Variants in ZSCAN18 observed in about 807,000 individuals in gnomAD.
ZSCAN18 encodes the protein zinc finger and SCAN domain containing 18, also known as zinc finger and SCAN domain-containing protein 18.
A neutral mutation model predicts 31.1 loss-of-function variants in ZSCAN18; 16 were observed. That is an observed-to-expected ratio of 0.51 (90% CI 0.35 to 0.78). The LOEUF (loss-of-function observed/expected upper bound fraction) is 0.78. Ranked by LOEUF, ZSCAN18 falls within the 30% of genes least tolerant of loss-of-function variation. The pLI is 0.01. For synonymous variants in ZSCAN18, 375 were observed against 320.7 expected (o/e 1.17, Z -1.81); for missense variants, 731 against 697.4 (o/e 1.05, Z -0.54).
At chr19:58,108,497 T>G in intron 1 of ZSCAN18, 1 of 985,994 alleles carries the variant, frequency 1.0e-6, no homozygotes. Context: ...CTTTCCCACT[T>G]CTTGCATTTA....
intron 1 of ZSCAN18, among the ~76,000 whole-genome samples, chr19:58,114,972 A>T (rs1455833649): frequency 6.6e-6 from 1 of 152,246 alleles, no homozygotes; most frequent in African/African-American, 2.4e-5. Flanking sequence ...ATATGATGCT[A>T]GCGCTAGAAG....
At position 58,084,023 on chromosome 19, in the gene ZSCAN18, G is replaced by A. The variant is rs1441583906; in HGVS notation, c.*662C>T. ...TTGCCTTTACTACATGATGCATTCTGGCCTACTTTATTCTGCTTCATTGCT... is the reference window on the plus strand; with the variant it reads ...TTGCCTTTACTACATGATGCATTCTAGCCTACTTTATTCTGCTTCATTGCT... On this transcript the variant is annotated 3_prime_UTR_variant, in exon 7 of 7. Transcript: ENST00000601144. This position sits in a 1 kb window ranked among gnomAD's most constrained non-coding sequence, Gnocchi z 4.5. 6.6e-6 allele frequency: 1 copy of A among 152,168 alleles called. No homozygotes were observed. The allele number at this position is 152,168 out of a possible 1,614,324, so 9.4% of individuals were successfully genotyped here. A position where few individuals can be genotyped will look rare whatever the true frequency, so the allele number is the denominator to read the frequency against.
At chr19:58,105,358 CTT>C (rs1351089138) in intron 1 of ZSCAN18, among the ~76,000 whole-genome samples, 1 of 152,196 alleles carries the variant, frequency 6.6e-6, no homozygotes, top group Non-Finnish European at 1.5e-5. Flanking sequence ...CCTTTCCAGT[CTT>C]CTTATTTAAG....
intron 1 of ZSCAN18, chr19:58,109,218 T>C: frequency 8.1e-7 from 1 of 1,231,714 alleles, no homozygotes; most frequent in Non-Finnish European, 1.0e-6. Context: ...TCATCCCTGA[T>C]GAACCTTTTT....
rs1003043424 is a variant in ZSCAN18 at position 58,087,491 on chromosome 19, C to A, written c.554-87G>T. ...GTCAAGGAGCCCCCGCTGCCTCCCA[C>A]ACAGGCCCCAGTGTGCTTCTGTGAC... is the stretch of plus-strand genomic sequence containing the variant. On this transcript the variant is annotated intron_variant, in intron 3 of 6. Transcript: ENST00000601144. 10 of 1,174,332 alleles carry A rather than the reference C, an allele frequency of 8.5e-6. No homozygotes were observed. In the Middle Eastern group the frequency reaches 1.3e-3, roughly 147 times the overall value. 72.7% of individuals were successfully genotyped at this position (1,174,332 alleles called of 1,614,324 possible).
chr19:58,091,764 T>A (rs1452761378), intron 1 of ZSCAN18, among the ~76,000 whole-genome samples: 2 of 152,146 alleles, frequency 1.3e-5, no homozygotes, highest in African/African-American at 4.8e-5. Context: ...CGGGCTCTCA[T>A]GTCACTGGCT....
chr19:58,093,618 A>C (rs1222308146), intron 1 of ZSCAN18, among the ~76,000 whole-genome samples: 1 of 152,046 alleles, frequency 6.6e-6, no homozygotes, highest in Non-Finnish European at 1.5e-5. Flanking sequence ...CTTTCCCGTG[A>C]CTTTTTCTTT....
At chr19:58,106,263 C>T (rs967353891) in intron 1 of ZSCAN18, among the ~76,000 whole-genome samples, 8 of 151,914 alleles carry the variant, frequency 5.3e-5, no homozygotes, top group African/African-American at 1.9e-4. Context: ...ATTAGCCAGG[C>T]GTGGTGGTGC....
At chr19:58,097,899 A>C (rs2146010463) in intron 1 of ZSCAN18, 2 of 979,542 alleles carry the variant, frequency 2.0e-6, no homozygotes, top group African/African-American at 3.6e-5. Flanking sequence ...CCACGAGCCT[A>C]CACGGGGTGG....
chr19:58,092,802 C>G, intron 1 of ZSCAN18: 5 of 767,976 alleles, frequency 6.5e-6, no homozygotes, highest in Non-Finnish European at 6.3e-6. Flanking sequence ...AACACAGGGT[C>G]TTACTCTGTC....
chr19:58,088,450 T>C, intron 3 of ZSCAN18: 1 of 480,936 alleles, frequency 2.1e-6, no homozygotes, highest in South Asian at 3.3e-5. Flanking sequence ...CTTTTCTTTA[T>C]GTATTGATGT....
chr19:58,094,081 A>G (rs2145997078), intron 1 of ZSCAN18, among the ~76,000 whole-genome samples: 1 of 151,992 alleles, frequency 6.6e-6, no homozygotes, highest in South Asian at 2.1e-4. Flanking sequence ...CATTTTTTAA[A>G]TTGGACTTCG....
intron 6 of ZSCAN18, 96 bp downstream of exon 6, chr19:58,086,078 C>T: frequency 1.9e-6 from 2 of 1,031,810 alleles, no homozygotes; most frequent in Non-Finnish European, 3.0e-6. Context: ...ATGCTGAGGT[C>T]TTTGCTGGGG....
In ZSCAN18 at chr19:58,113,576, C is replaced by T. The variant is rs550039965; in HGVS notation, c.130+4691G>A. Among the ~76,000 whole-genome samples, 482 of 152,264 alleles carry T rather than the reference C, an allele frequency of 3.2e-3. 1 individual carries two copies. The highest frequency in any genetic ancestry group is 5.1e-3 in the Admixed American group (78 of 15,294). On this transcript the variant is annotated intron_variant, in intron 1 of 1. Transcript: ENST00000595721. ...CCACCTTATTTAGGAACAGGGGAGG[C>T]AGGTTTGCTTGACCCAGTTTCCAGC... is the stretch of plus-strand genomic sequence containing the variant.
chr19:58,098,272 C>G, upstream of ZSCAN18: 1 of 985,514 alleles, frequency 1.0e-6, no homozygotes, highest in Non-Finnish European at 1.2e-6. Context: ...TCACCGCGGA[C>G]TACGACTCCC....
intron 1 of ZSCAN18, among the ~76,000 whole-genome samples, chr19:58,110,680 A>C (rs1231839285): frequency 1.3e-5 from 2 of 152,254 alleles, no homozygotes; most frequent in East Asian, 3.9e-4. Context: ...TCAAATACAC[A>C]CAGTATCCTA....
upstream of ZSCAN18, chr19:58,118,422 T>C (rs2074752736): frequency 1.0e-5 from 15 of 1,463,876 alleles, no homozygotes; most frequent in Non-Finnish European, 1.4e-5. Context: ...CCGGATGCGA[T>C]ATTCCGGTGA....
At chr19:58,088,638 A>G (rs751944117) in intron 3 of ZSCAN18, 50 bp downstream of exon 3, 1 of 1,584,644 alleles carries the variant, frequency 6.3e-7, no homozygotes, top group Non-Finnish European at 8.6e-7. Context: ...CCTCTGCCCA[A>G]CACCCCACCT....
chr19:58,105,832 A>G (rs2074630210), intron 1 of ZSCAN18, among the ~76,000 whole-genome samples: 1 of 151,942 alleles, frequency 6.6e-6, no homozygotes, highest in Non-Finnish European at 1.5e-5. Flanking sequence ...ATAAAAAATT[A>G]GCCGGCCATA....
Sources: allele counts gnomAD v4.1 joint callset (sites outside exome capture counted in the v4.1 genomes callset), GRCh38; gene constraint gnomAD v4.1.1; non-coding constraint Gnocchi (gnomAD v3.1); transcripts MANE v1.5; gene names NCBI Gene and HGNC (gene_info 2026-07-23, HGNC 2026-07-21).